Variants in MESD observed in about 807,000 individuals in gnomAD.
MESD encodes the protein mesoderm development LRP chaperone, also known as LRP chaperone MESD.
In MESD, 7 loss-of-function variants were observed where a neutral mutation model predicts 12.9. The ratio of observed to expected loss-of-function variants is 0.54; its 90% CI spans 0.31 to 1.02. The LOEUF (loss-of-function observed/expected upper bound fraction) is 1.02, where lower values mean the gene tolerates loss of function less well. MESD is among the 50% of genes least tolerant of loss of function. The pLI is 0.05. For missense variants in MESD, 342 were observed against 296.7 expected (o/e 1.15, Z -1.12); for synonymous variants, 126 against 115.6 (o/e 1.09, Z -0.58).
chr15:80,979,551 C>T, intron 2 of MESD, 74 bp from the exon 3 acceptor site: 3 of 1,500,032 alleles, frequency 2.0e-6, no homozygotes, highest in Non-Finnish European at 1.8e-6. Flanking sequence ...AATTCTCTGG[C>T]ACTTATCAGT....
At chr15:80,955,929 G>A (rs1351985412) in intron 3 of MESD, among the ~76,000 whole-genome samples, 1 of 152,108 alleles carries the variant, frequency 6.6e-6, no homozygotes, top group Non-Finnish European at 1.5e-5. Context: ...GCTGAGAAGT[G>A]TGGTTTTAGG....
chr15:80,980,062 G>A (rs1799910430), intron 2 of MESD, among the ~76,000 whole-genome samples: 1 of 152,180 alleles, frequency 6.6e-6, no homozygotes, highest in South Asian at 2.1e-4. Context: ...ATGAGGCCTG[G>A]GTGGAGCCCT....
intron 3 of MESD, among the ~76,000 whole-genome samples, chr15:80,954,770 T>G (rs1335212076): frequency 6.6e-5 from 10 of 152,248 alleles, no homozygotes; most frequent in Admixed American, 6.5e-4. Context: ...GTGGGCTACA[T>G]GCAGCCCTGG....
chr15:80,954,445 T>C lies in MESD; in HGVS notation c.*289-2149A>G, dbSNP rs116403372. On this transcript the variant is annotated intron_variant, in intron 3 of 4. Transcript: ENST00000561312. Reference sequence around the variant, plus strand: ...ATCCTAGCTGTTTTAGCCTGGGGGCTAGGTAGGCGGCAGAGGTTTTCTCAA... The same window carrying C: ...ATCCTAGCTGTTTTAGCCTGGGGGCCAGGTAGGCGGCAGAGGTTTTCTCAA... 3.2e-3 allele frequency among the ~76,000 whole-genome samples: 486 copies of C among 152,310 alleles called. 3 individuals are homozygous for C. The highest frequency in any genetic ancestry group is 0.011 in the African/African-American group (459 of 41,570).
intron 2 of MESD, among the ~76,000 whole-genome samples, chr15:80,980,820 CTTTTT>C (rs67729328): frequency 6.3e-5 from 9 of 142,564 alleles, no homozygotes; most frequent in African/African-American, 2.3e-4. Context: ...AATAAATGCC[CTTTTT>C]TTTTTTTTTT....
chr15:80,967,288 A>G (rs1243947367), intron 3 of MESD, among the ~76,000 whole-genome samples: 1 of 152,152 alleles, frequency 6.6e-6, no homozygotes, highest in East Asian at 1.9e-4. Context: ...GTGAAACTCC[A>G]TCTCAAAAAA....
intron 3 of MESD, among the ~76,000 whole-genome samples, chr15:80,963,765 G>A (rs1323253985): frequency 6.6e-6 from 1 of 152,046 alleles, no homozygotes; most frequent in African/African-American, 2.4e-5. Context: ...AAAGGCCTTC[G>A]AGAAAATTCA....
chr15:80,962,520 A>G (rs1370987167), intron 3 of MESD, among the ~76,000 whole-genome samples: 1 of 152,186 alleles, frequency 6.6e-6, no homozygotes, highest in African/African-American at 2.4e-5. Flanking sequence ...TCCACCCCAA[A>G]TCAACAGAAT....
At chr15:80,971,235 C>G (rs1425669984), downstream of MESD, among the ~76,000 whole-genome samples, 4 of 152,330 alleles carry the variant, frequency 2.6e-5, no homozygotes, top group South Asian at 4.1e-4. Flanking sequence ...CTCACCCTAC[C>G]TGGTCAACGA....
intron 3 of MESD, chr15:80,970,657 G>C (rs1052520395): frequency 6.6e-6 from 1 of 152,218 alleles, no homozygotes; most frequent in African/African-American, 2.4e-5. Context: ...TTCCCGCTCA[G>C]ACCTAGTCAA....
chr15:80,948,736 G>A (rs535505818), exon 5 of MESD: 50 of 1,611,164 alleles, frequency 3.1e-5, no homozygotes, highest in East Asian at 2.2e-5. Flanking sequence ...GCCATGGAAC[G>A]GGGTGGGGCA....
chr15:80,965,317 G>A (rs1902155627), intron 3 of MESD, among the ~76,000 whole-genome samples: 1 of 152,240 alleles, frequency 6.6e-6, no homozygotes, highest in African/African-American at 2.4e-5. Context: ...ATACTGGAGA[G>A]GATGTGGAGA....
intron 1 of MESD, among the ~76,000 whole-genome samples, chr15:80,987,901 G>T (rs1281187601): frequency 6.6e-6 from 1 of 152,196 alleles, no homozygotes; most frequent in Non-Finnish European, 1.5e-5. Context: ...AAGGTGGGAG[G>T]ACTGCAAAGG....
rs967132438 is a variant in MESD, at chr15:80,975,864, G to A, written c.*3355C>T. ...CAGGACATTTCTCCCAGCTATTTGG[G>A]AGGCTGTGGTGGGAAGATCAATTGA... On this transcript the variant is annotated 3_prime_UTR_variant, in exon 3 of 3. Coordinates refer to ENST00000261758, the MANE Select transcript of MESD (RefSeq NM_015154.3). The A allele has an allele frequency of 6.6e-6, 1 of 152,182 alleles. No homozygotes were observed. Among genetic ancestry groups the A allele is most frequent in the Non-Finnish European group, 1.5e-5 (1 of 68,028 alleles). The allele number at this position is 152,182 out of a possible 1,614,324, so 9.4% of individuals were successfully genotyped here. A position where few individuals can be genotyped will look rare whatever the true frequency, so the allele number is the denominator to read the frequency against.
At chr15:80,972,301 TTAAC>T (rs146067852), downstream of MESD, among the ~76,000 whole-genome samples, 331 of 152,326 alleles carry the variant, frequency 2.2e-3, 7 homozygotes, top group East Asian at 0.054. Flanking sequence ...GTGTAGAAAC[TTAAC>T]TAACACACAC....
chr15:80,974,060 T>C (rs181646886), downstream of MESD, among the ~76,000 whole-genome samples: 2,066 of 151,040 alleles, frequency 0.014, 46 homozygotes, highest in African/African-American at 0.047. Context: ...GCAATTATGG[T>C]TCCCCCCCCC....
chr15:80,947,070 G>A (rs1472858253), downstream of MESD: 1 of 1,598,730 alleles, frequency 6.3e-7, no homozygotes, highest in Non-Finnish European at 8.6e-7. Flanking sequence ...TGAAAGGTAA[G>A]GGTTTGAACT....
chr15:80,953,732 G>A (rs1325692547), intron 3 of MESD, among the ~76,000 whole-genome samples: 1 of 152,182 alleles, frequency 6.6e-6, no homozygotes, highest in East Asian at 1.9e-4. Flanking sequence ...GAAAGGGGGT[G>A]GGGTTCCTCC....
intron 4 of MESD, chr15:80,949,378 C>T: frequency 3.7e-6 from 1 of 267,612 alleles, no homozygotes; most frequent in Non-Finnish European, 7.4e-6. Flanking sequence ...AGAGCCTTGG[C>T]CTTAAGGAAA....
Sources: gnomAD v4.1 joint callset for allele counts (sites outside exome capture counted in the v4.1 genomes callset) on GRCh38, gnomAD v4.1.1 for gene constraint, MANE v1.5 for transcripts, NCBI Gene and HGNC (gene_info 2026-07-23, HGNC 2026-07-21) for gene names.